The following NAV2 variants were observed in gnomAD, a reference collection of about 807,000 sequenced individuals.
NAV2 encodes neuron navigator 2, also known as helicase, APC down-regulated 1.
In NAV2, 54 loss-of-function variants were observed where a neutral mutation model predicts 223.2. That is an observed-to-expected ratio of 0.24 (90% CI 0.19 to 0.30). NAV2 has a LOEUF of 0.30. NAV2 is among the 10% of genes least tolerant of loss of function. The pLI, the probability that NAV2 is intolerant of heterozygous loss-of-function variation, is 1.00. For missense variants in NAV2, 2,806 were observed against 3,147.5 expected, an observed-to-expected ratio of 0.89 and a Z score of 2.60; for synonymous variants, 1,279 against 1,239.3, an observed-to-expected ratio of 1.03 and a Z score of -0.67.
intron 37 of NAV2, among the ~76,000 whole-genome samples, chr11:20,115,533 G>A (rs1385691464): frequency 6.6e-6 from 1 of 151,084 alleles, no homozygotes; most frequent in Non-Finnish European, 1.5e-5. Context: ...TCGGGAGGCT[G>A]AGGCAGGAGA....
At chr11:19,841,459 A>C (rs1461527890) in intron 2 of NAV2, among the ~76,000 whole-genome samples, 1 of 152,198 alleles carries the variant, frequency 6.6e-6, no homozygotes, top group Non-Finnish European at 1.5e-5. Context: ...ATTTATTAAA[A>C]TATGATATGA....
chr11:19,975,683 G>A (rs1043946137), intron 10 of NAV2, among the ~76,000 whole-genome samples: 1 of 152,192 alleles, frequency 6.6e-6, no homozygotes, highest in African/African-American at 2.4e-5. Context: ...TCAGGGTAAC[G>A]TGAATTGTAG....
intron 10 of NAV2, among the ~76,000 whole-genome samples, chr11:19,957,618 A>C (rs1644728529): frequency 6.6e-6 from 1 of 152,130 alleles, no homozygotes; most frequent in Non-Finnish European, 1.5e-5. Flanking sequence ...AGTGCAGGAA[A>C]CCTACTAGCC....
intron 11 of NAV2, among the ~76,000 whole-genome samples, chr11:20,028,313 A>G (rs4757880): frequency 0.57 from 86,462 of 151,958 alleles, 26,516 homozygotes; most frequent in Admixed American, 0.69. Flanking sequence ...CTGAAACTGG[A>G]TCTCCTGGTT....
chr11:19,669,328 T>A (rs137941649), intron 1 of NAV2, among the ~76,000 whole-genome samples: 1 of 152,248 alleles, frequency 6.6e-6, no homozygotes, highest in African/African-American at 2.4e-5. Flanking sequence ...AAGCCTCAGA[T>A]GGCCTTTCTC....
chr11:20,107,578 T>C (rs2062250188), intron 35 of NAV2, 86 bp from the exon 36 acceptor site: 2 of 1,053,172 alleles, frequency 1.9e-6, no homozygotes, highest in Non-Finnish European at 1.5e-6. Context: ...GTCCCTCCTG[T>C]GAAGGGTGCT....
intron 3 of NAV2, among the ~76,000 whole-genome samples, chr11:19,862,754 A>G (rs1164758606): frequency 1.3e-5 from 2 of 152,184 alleles, no homozygotes; most frequent in Non-Finnish European, 2.9e-5. Context: ...TAGGCCCCCA[A>G]CACTGATACA....
intron 1 of NAV2, among the ~76,000 whole-genome samples, chr11:19,464,745 T>C (rs780847377): frequency 8.5e-5 from 13 of 152,342 alleles, no homozygotes; most frequent in Non-Finnish European, 1.8e-4. Context: ...GCTGCTGTGA[T>C]TGGAGACAAA....
upstream of NAV2, among the ~76,000 whole-genome samples, chr11:19,347,226 G>A (rs886923356): frequency 6.6e-6 from 1 of 152,166 alleles, no homozygotes; most frequent in Non-Finnish European, 1.5e-5. Context: ...ACCTAAGAAG[G>A]CCTGGCCTGT....
chr11:19,473,645 G>A (rs1209523446), intron 1 of NAV2, among the ~76,000 whole-genome samples: 1 of 152,068 alleles, frequency 6.6e-6, no homozygotes, highest in African/African-American at 2.4e-5. Context: ...GGGAGGCTTG[G>A]AAATGGAGTT....
In NAV2 at chr11:19,849,976, C is replaced by CTTG. The variant is rs376722235; in HGVS notation, c.438+7053_438+7054insTTG. The stretch of plus-strand genomic sequence containing the variant: ...CCATTTCCCTCTCCATACTCTTTAG[C>CTTG]ACGGAATAGAAGATCCTTCAAGATC... On this transcript the variant is annotated intron_variant, in intron 3 of 37. Coordinates refer to ENST00000349880, the MANE Select transcript of NAV2 (RefSeq NM_145117.5). 6.8e-4 allele frequency among the ~76,000 whole-genome samples: 103 copies of CTTG among 152,302 alleles called. 2 individuals carry two copies. In the East Asian group the frequency reaches 0.011, roughly 16 times the overall value.
At chr11:19,480,173 G>A (rs2042236521) in intron 1 of NAV2, among the ~76,000 whole-genome samples, 1 of 152,066 alleles carries the variant, frequency 6.6e-6, no homozygotes, top group Non-Finnish European at 1.5e-5. Flanking sequence ...AATTAAGCAG[G>A]TTTATTTGCT....
chr11:20,077,710 C>A, intron 23 of NAV2, 75 bp downstream of exon 23: 1 of 1,187,666 alleles, frequency 8.4e-7, no homozygotes, highest in Non-Finnish European at 1.2e-6. Flanking sequence ...TCTTTCATTT[C>A]AGATCATTGT....
intron 1 of NAV2, among the ~76,000 whole-genome samples, chr11:19,704,021 TG>T (rs112408336): frequency 6.3e-5 from 9 of 142,246 alleles, no homozygotes; most frequent in African/African-American, 1.3e-4. Flanking sequence ...TGGTTTTTTT[TG>T]GGGGGGTGGA....
At chr11:19,378,291 T>TTGGGGGTGCCCGC (rs1186561076) in intron 1 of NAV2, among the ~76,000 whole-genome samples, 1 of 152,102 alleles carries the variant, frequency 6.6e-6, no homozygotes, top group African/African-American at 2.4e-5. Flanking sequence ...CCCGCTTCAT[T>TTGGGGGTGCCCGC]TTCACGTCCA....
At chr11:19,970,287 C>T (rs978702868) in intron 10 of NAV2, among the ~76,000 whole-genome samples, 10 of 152,132 alleles carry the variant, frequency 6.6e-5, no homozygotes, top group South Asian at 2.1e-4. Flanking sequence ...TCCTGTCTCA[C>T]GCTCCCAAAT....
Position 19,832,620 on chromosome 11 carries a change from T to C in NAV2, c.385+19T>C. 6.3e-7 allele frequency: 1 copy of C among 1,596,138 alleles called. No individual in the cohort carries two copies. The highest frequency in any genetic ancestry group is 8.6e-7 in the Non-Finnish European group (1 of 1,163,712). Reference sequence around the variant, plus strand: ...GTTGTGGGTAAGAGCAGATTTTACCTTGGGGGTAATGAGTTACAGTGGAGC... The same window carrying C: ...GTTGTGGGTAAGAGCAGATTTTACCCTGGGGGTAATGAGTTACAGTGGAGC... On this transcript the variant is annotated intron_variant, in intron 2 of 37. Transcript: ENST00000349880.
At chr11:20,115,417 G>A (rs1416699304) in intron 37 of NAV2, among the ~76,000 whole-genome samples, 2 of 151,984 alleles carry the variant, frequency 1.3e-5, no homozygotes, top group Admixed American at 6.6e-5. Flanking sequence ...GGTGGATCGA[G>A]GTCAGGAGAT....
At position 20,092,343 on chromosome 11, in the gene NAV2, G is replaced by C; in HGVS notation, c.5790G>C (p.Leu1930Phe). Residue 1930 changes from leucine (L) to phenylalanine (F), a missense_variant, in exon 28 of 38, where the codon TTG becomes TTC. Leu to Phe is a conservative substitution (Grantham distance 22). Around this residue, in one of 4 missense-constraint regions of NAV2, gnomAD observed 824 missense variants for 1,069.4 expected, o/e 0.77. Transcript: ENST00000349880. ...CCATGGGCCTCTCCCAGCACAGCTT[G>C]AACCTCACTGAGTCAACCAGCCTGG... ...RQSMGLSQHS[L>F]NLTESTSLDM... 2.5e-6 allele frequency: 4 copies of C among 1,613,678 alleles called. No homozygotes were observed. Among genetic ancestry groups the C allele is most frequent in the Non-Finnish European group, 3.4e-6 (4 of 1,179,638 alleles).
Sources: allele counts gnomAD v4.1 joint callset (sites outside exome capture counted in the v4.1 genomes callset), GRCh38; gene constraint gnomAD v4.1.1; regional missense constraint gnomAD v4.1.1; transcripts MANE v1.5; gene names NCBI Gene and HGNC (gene_info 2026-07-23, HGNC 2026-07-21).